MINDY3: variants seen among roughly 807,000 people sequenced by gnomAD.
MINDY3 encodes ubiquitin carboxyl-terminal hydrolase MINDY-3.
A neutral mutation model predicts 69.2 loss-of-function variants in MINDY3; 38 were observed. The ratio of observed to expected loss-of-function variants is 0.55; its 90% CI spans 0.42 to 0.72. The LOEUF (loss-of-function observed/expected upper bound fraction) is 0.72, where lower values mean the gene tolerates loss of function less well. Ranked by LOEUF, MINDY3 falls within the 30% of genes least tolerant of loss-of-function variation. MINDY3 has a pLI of 0.00. For synonymous variants in MINDY3, 192 were observed against 180.1 expected (o/e 1.07, Z -0.53); for missense variants, 522 against 519.0 (o/e 1.01, Z -0.06).
chr10:15,806,625 T>G (rs2131934425), intron 10 of MINDY3, among the ~76,000 whole-genome samples: 1 of 152,270 alleles, frequency 6.6e-6, no homozygotes, highest in Middle Eastern at 3.4e-3. Flanking sequence ...TATTCCTGTT[T>G]AGCTTTCCAT....
chr10:15,825,144 T>C (rs1336579595), intron 8 of MINDY3, among the ~76,000 whole-genome samples: 1 of 152,178 alleles, frequency 6.6e-6, no homozygotes, highest in Non-Finnish European at 1.5e-5. Flanking sequence ...TTCCAAGATC[T>C]GAAGCATTCT....
At chr10:15,837,563 T>G in intron 5 of MINDY3, 1 of 1,406,984 alleles carries the variant, frequency 7.1e-7, no homozygotes, top group South Asian at 1.2e-5. Flanking sequence ...CCTCTTCATC[T>G]CTTAGGTGAA....
rs1205688529 is a variant in MINDY3 at position 15,843,205 on chromosome 10, A to G, written c.235+7T>C. 1.2e-6 allele frequency: 2 copies of G among 1,611,050 alleles called. No individual in the cohort carries two copies. The highest frequency in any genetic ancestry group is 1.7e-6 in the Non-Finnish European group (2 of 1,177,464). On this transcript the variant is annotated splice_region_variant and intron_variant, in intron 3 of 14. Coordinates refer to ENST00000277632, the MANE Select transcript of MINDY3 (RefSeq NM_024948.4). ...GAAGCAAAAGTTTTAAAAGACAGCTATCATACCTGAACAATCCCGCCAAGA... is the reference window on the plus strand; with the variant it reads ...GAAGCAAAAGTTTTAAAAGACAGCTGTCATACCTGAACAATCCCGCCAAGA...
intron 2 of MINDY3, among the ~76,000 whole-genome samples, chr10:15,843,962 A>G (rs1833660459): frequency 6.6e-6 from 1 of 152,116 alleles, no homozygotes; most frequent in Non-Finnish European, 1.5e-5. Flanking sequence ...GAATCTCTAG[A>G]GGGCAGGTCC....
intron 1 of MINDY3, among the ~76,000 whole-genome samples, chr10:15,859,912 T>A: frequency 6.6e-6 from 1 of 152,260 alleles, no homozygotes; most frequent in South Asian, 2.1e-4. Context: ...ATCTTCCGTG[T>A]CACGCCCTGC....
At chr10:15,856,631 C>A (rs1001600240) in intron 1 of MINDY3, among the ~76,000 whole-genome samples, 1 of 152,120 alleles carries the variant, frequency 6.6e-6, no homozygotes. Context: ...CCATACTAAC[C>A]ATGGCTGCTT....
rs573186244 is a variant in MINDY3, at chr10:15,840,651, T to C, written c.409+775A>G. Among the ~76,000 whole-genome samples the C allele has an allele frequency of 1.3e-4, 20 of 151,788 alleles. No homozygotes were observed. The South Asian group carries it at 3.7e-3, about 28-fold the overall frequency. On this transcript the variant is annotated intron_variant, in intron 4 of 14. Coordinates refer to ENST00000277632, the MANE Select transcript of MINDY3 (RefSeq NM_024948.4). ...CTCTGTGGGTAGAATAAGTCACTTA[T>C]TTAACATAAGCACTTGGGACTACCA...
At chr10:15,845,755 C>T (rs535083581) in intron 2 of MINDY3, among the ~76,000 whole-genome samples, 2 of 151,530 alleles carry the variant, frequency 1.3e-5, no homozygotes, top group South Asian at 4.2e-4. Context: ...AATCCTCTTC[C>T]CTCAGCCTCC....
At position 15,838,150 on chromosome 10, in the gene MINDY3, C is replaced by T. The variant is rs187755366; in HGVS notation, c.461+78G>A. The T allele has an allele frequency of 2.5e-5, 36 of 1,427,628 alleles. No homozygotes were observed. The African/African-American group carries it at 5.0e-4, about 20-fold the overall frequency. 88.4% of individuals were successfully genotyped at this position (1,427,628 alleles called of 1,614,324 possible). On this transcript the variant is annotated intron_variant, in intron 5 of 14. Transcript: ENST00000277632. Reference sequence around the variant, plus strand: ...GCGCATTTCTATGTAAAACTAAGAACCTTTCCACAGTATGAACAGACTTAA... The same window carrying T: ...GCGCATTTCTATGTAAAACTAAGAATCTTTCCACAGTATGAACAGACTTAA...
At chr10:15,854,300 T>C (rs1408039833) in intron 1 of MINDY3, among the ~76,000 whole-genome samples, 3 of 152,136 alleles carry the variant, frequency 2.0e-5, no homozygotes, top group Non-Finnish European at 2.9e-5. Context: ...CCTTTTCCAA[T>C]TGCATATGTG....
chr10:15,833,775 C>A (rs1324984709), intron 7 of MINDY3, 66 bp from the exon 8 acceptor site: 5 of 1,025,370 alleles, frequency 4.9e-6, no homozygotes, highest in Non-Finnish European at 7.6e-6. Context: ...ATTCCTACAG[C>A]AAAGTATAAA....
At chr10:15,811,726 G>A (rs1042586491) in intron 10 of MINDY3, among the ~76,000 whole-genome samples, 1 of 151,630 alleles carries the variant, frequency 6.6e-6, no homozygotes, top group African/African-American at 2.4e-5. Context: ...ATTTGCTTCA[G>A]GAAAAAAAAT....
chr10:15,808,091 G>C (rs1230065226), intron 10 of MINDY3, among the ~76,000 whole-genome samples: 1 of 152,122 alleles, frequency 6.6e-6, no homozygotes, highest in Non-Finnish European at 1.5e-5. Context: ...AAATCACTGA[G>C]AATAATTAAG....
intron 1 of MINDY3, among the ~76,000 whole-genome samples, chr10:15,855,250 G>C (rs939954462): frequency 6.6e-6 from 1 of 152,020 alleles, no homozygotes; most frequent in African/African-American, 2.4e-5. Context: ...ACGGACAAAG[G>C]CTAGTAGAGC....
At chr10:15,800,035 C>A (rs192261940) in intron 10 of MINDY3, among the ~76,000 whole-genome samples, 4 of 152,152 alleles carry the variant, frequency 2.6e-5, no homozygotes, top group Admixed American at 2.6e-4. Context: ...TGGATATGAA[C>A]TGCATGGGTC....
intron 10 of MINDY3, among the ~76,000 whole-genome samples, chr10:15,811,073 C>T (rs1020954532): frequency 6.6e-6 from 1 of 152,080 alleles, no homozygotes; most frequent in Non-Finnish European, 1.5e-5. Flanking sequence ...AGTTTTCAAA[C>T]TCTGCCAATT....
rs143113508 is a variant in MINDY3 at position 15,796,685 on chromosome 10, CA to C, written c.883-514del. Among the ~76,000 whole-genome samples the C allele has an allele frequency of 2.5e-3, 373 of 152,058 alleles. 3 individuals carry two copies. Among genetic ancestry groups the C allele is most frequent in the African/African-American group, 7.6e-3 (317 of 41,548 alleles). On this transcript the variant is annotated intron_variant, in intron 10 of 14. Transcript: ENST00000277632. The stretch of plus-strand genomic sequence containing the variant: ...TTTAGTAACCTAGTCAAAGCTCAAT[CA>C]ACTTCTACATGTCCAGAATTTTAAT...
intron 10 of MINDY3, among the ~76,000 whole-genome samples, chr10:15,813,471 A>G (rs1839148278): frequency 6.6e-6 from 1 of 152,230 alleles, no homozygotes; most frequent in Non-Finnish European, 1.5e-5. Flanking sequence ...AAATTCTTAC[A>G]GCATTATGGA....
At chr10:15,830,316 T>C (rs572751197) in intron 8 of MINDY3, among the ~76,000 whole-genome samples, 8 of 152,296 alleles carry the variant, frequency 5.3e-5, no homozygotes, top group East Asian at 3.9e-4. Context: ...CTCAAGGACT[T>C]GATGAATATC....
Sources: allele counts gnomAD v4.1 joint callset (sites outside exome capture counted in the v4.1 genomes callset), GRCh38; gene constraint gnomAD v4.1.1; transcripts MANE v1.5; gene names NCBI Gene and HGNC (gene_info 2026-07-23, HGNC 2026-07-21).